The following GALNT17 variants were observed in gnomAD, a reference collection of about 807,000 sequenced individuals.
The protein encoded by GALNT17 is polypeptide N-acetylgalactosaminyltransferase 17, also known as UDP-GalNAc:polypeptide N-acetylgalactosaminyltransferase-like 3.
GALNT17 carries 29 observed loss-of-function variants against 63.7 expected under a neutral mutation model. The ratio of observed to expected loss-of-function variants is 0.46; its 90% confidence interval spans 0.34 to 0.62. The LOEUF (loss-of-function observed/expected upper bound fraction) is 0.62, where lower values mean the gene tolerates loss of function less well. Ranked by LOEUF, GALNT17 falls within the 20% of genes least tolerant of loss-of-function variation. The pLI, the probability that GALNT17 is intolerant of heterozygous loss-of-function variation, is 0.01. For synonymous variants in GALNT17, 305 were observed against 318.3 expected, an observed-to-expected ratio of 0.96 and a Z score of 0.45; for missense variants, 603 against 799.6, an observed-to-expected ratio of 0.75 and a Z score of 2.97.
intron 1 of GALNT17, among the ~76,000 whole-genome samples, chr7:71,198,427 C>G (rs1789098709): frequency 6.6e-6 from 1 of 152,148 alleles, no homozygotes; most frequent in Admixed American, 6.5e-5. Context: ...GAGTTATGTT[C>G]CATGCTCTTT....
intron 2 of GALNT17, among the ~76,000 whole-genome samples, chr7:71,364,644 C>T (rs374837026): frequency 9.2e-5 from 14 of 152,108 alleles, no homozygotes; most frequent in African/African-American, 3.4e-4. Flanking sequence ...GGCATGGAGT[C>T]AGGGAGCAAA....
intron 1 of GALNT17, among the ~76,000 whole-genome samples, chr7:71,187,073 C>T (rs1435578305): frequency 6.6e-6 from 1 of 152,102 alleles, no homozygotes; most frequent in Non-Finnish European, 1.5e-5. Context: ...GGCACTCAAA[C>T]TGCAACAAAG....
At chr7:71,710,980 A>G in intron 10 of GALNT17, 52 bp downstream of exon 10, 1 of 1,590,082 alleles carries the variant, frequency 6.3e-7, no homozygotes, top group Non-Finnish European at 8.5e-7. Context: ...AAGAGGCTGC[A>G]GACCACAGAG....
At chr7:71,139,165 C>T (rs542762816) in intron 1 of GALNT17, among the ~76,000 whole-genome samples, 1 of 152,236 alleles carries the variant, frequency 6.6e-6, no homozygotes, top group East Asian at 1.9e-4. Flanking sequence ...CAGGGTGACA[C>T]AGCTAGGGAA....
intron 7 of GALNT17, among the ~76,000 whole-genome samples, chr7:71,666,477 A>T (rs1790987272): frequency 6.6e-6 from 1 of 151,582 alleles, no homozygotes. Context: ...TTTAGTGGTG[A>T]TTTGTAAGAT....
chr7:71,136,766 T>A (rs1439352839), intron 1 of GALNT17, among the ~76,000 whole-genome samples: 2 of 151,394 alleles, frequency 1.3e-5, no homozygotes, highest in East Asian at 3.9e-4. Context: ...ATTACAGGTG[T>A]AAGCCACTGT....
At chr7:71,540,368 T>G (rs1788869449) in intron 5 of GALNT17, among the ~76,000 whole-genome samples, 1 of 149,410 alleles carries the variant, frequency 6.7e-6, no homozygotes, top group African/African-American at 2.5e-5. Flanking sequence ...CCACCCACCT[T>G]CGCCTCCCAA....
intron 5 of GALNT17, among the ~76,000 whole-genome samples, chr7:71,564,117 G>A (rs1291666090): frequency 6.6e-6 from 1 of 152,018 alleles, no homozygotes; most frequent in African/African-American, 2.4e-5. Context: ...GCACTATAGG[G>A]AAGACTTGGT....
Position 71,566,784 on chromosome 7 carries a change from C to T in GALNT17, c.963-4501C>T, listed in dbSNP as rs562137930. 2.6e-5 allele frequency among the ~76,000 whole-genome samples: 4 copies of T among 151,870 alleles called. No individual in the cohort carries two copies. The East Asian group carries it at 5.8e-4, about 22-fold the overall frequency. ...TAACACTGTTTATGTGGAGAAGGACCGATTGCAAAGACACAAAGGACCCTC... is the reference window on the plus strand; with the variant it reads ...TAACACTGTTTATGTGGAGAAGGACTGATTGCAAAGACACAAAGGACCCTC... On this transcript the variant is annotated intron_variant, in intron 5 of 10. Coordinates refer to ENST00000333538, the MANE Select transcript of GALNT17 (RefSeq NM_022479.3).
chr7:71,152,666 C>G (rs1351460980), intron 1 of GALNT17, among the ~76,000 whole-genome samples: 1 of 151,816 alleles, frequency 6.6e-6, no homozygotes, highest in Non-Finnish European at 1.5e-5. Context: ...GAGTTTCGCT[C>G]TTGTTGCCCA....
At position 71,335,719 on chromosome 7, in the gene GALNT17, T is replaced by C. The variant is rs1336784372; in HGVS notation, c.408T>C (p.Asp136=). The change falls in exon 2 of 11, where the codon GAT becomes GAC. Residue 136 remains aspartate (D), a synonymous_variant. Coordinates refer to ENST00000333538, the MANE Select transcript of GALNT17 (RefSeq NM_022479.3). The part of the protein sequence containing the change: ...EKISLDRSIP[D]YRPTKCKELK... Reference sequence around the variant, plus strand: ...TTTCACTGGACCGTTCCATTCCGGATTATCGTCCCACCAAGTAAGTTCTGG... The same window carrying C: ...TTTCACTGGACCGTTCCATTCCGGACTATCGTCCCACCAAGTAAGTTCTGG... The C allele has an allele frequency of 3.1e-6, 5 of 1,604,382 alleles. No individual in the cohort carries two copies. In the African/African-American group the frequency reaches 4.0e-5, roughly 13 times the overall value.
chr7:71,609,287 G>C (rs1331531361), intron 6 of GALNT17, among the ~76,000 whole-genome samples: 1 of 152,166 alleles, frequency 6.6e-6, no homozygotes, highest in African/African-American at 2.4e-5. Context: ...ATTTGAGAGG[G>C]AGTCGGGTAC....
At chr7:71,487,448 A>G (rs1007613125) in intron 5 of GALNT17, among the ~76,000 whole-genome samples, 1 of 152,150 alleles carries the variant, frequency 6.6e-6, no homozygotes, top group Non-Finnish European at 1.5e-5. Context: ...TCCAGCGTCC[A>G]GGGAATAGTT....
chr7:71,644,674 C>G (rs899437955), intron 6 of GALNT17, among the ~76,000 whole-genome samples: 3 of 151,764 alleles, frequency 2.0e-5, no homozygotes. Context: ...TTGCTTAAGC[C>G]CAGGAGTTCA....
At chr7:71,556,858 G>T (rs574878582) in intron 5 of GALNT17, among the ~76,000 whole-genome samples, 1 of 152,100 alleles carries the variant, frequency 6.6e-6, no homozygotes, top group African/African-American at 2.4e-5. Flanking sequence ...AAGCCACTGC[G>T]CCTGGCCCCC....
Position 71,656,004 on chromosome 7 carries a change from C to A in GALNT17, c.1081-9407C>A, listed in dbSNP as rs188113831. ...TTCCTCTTTTCCCACCTCCTAGGCC[C>A]CCTCTCCAGACAATTTCGCTGCTTA... On this transcript the variant is annotated intron_variant, in intron 6 of 10. Transcript: ENST00000333538. Among the ~76,000 whole-genome samples the A allele has an allele frequency of 2.6e-5, 4 of 152,220 alleles. No homozygotes were observed. The East Asian group carries it at 7.7e-4, about 29-fold the overall frequency.
At chr7:71,399,236 C>G (rs754864590) in intron 3 of GALNT17, among the ~76,000 whole-genome samples, 7 of 152,106 alleles carry the variant, frequency 4.6e-5, no homozygotes, top group Non-Finnish European at 7.4e-5. Flanking sequence ...TCCATCCCCC[C>G]TGCCCTCCTC....
intron 5 of GALNT17, among the ~76,000 whole-genome samples, chr7:71,541,117 A>G (rs575638997): frequency 8.6e-5 from 13 of 152,032 alleles, no homozygotes; most frequent in African/African-American, 2.9e-4. Flanking sequence ...GGTGGTGTAT[A>G]CCTGTAATCC....
At chr7:71,367,495 A>C (rs781080876) in intron 2 of GALNT17, among the ~76,000 whole-genome samples, 1 of 152,146 alleles carries the variant, frequency 6.6e-6, no homozygotes, top group Non-Finnish European at 1.5e-5. Context: ...TCTGTTTGAC[A>C]TGTTTGTTGG....
Sources: allele counts gnomAD v4.1 joint callset (sites outside exome capture counted in the v4.1 genomes callset), GRCh38; gene constraint gnomAD v4.1.1; transcripts MANE v1.5; gene names NCBI Gene and HGNC (gene_info 2026-07-23, HGNC 2026-07-21).